The following ESPL1 variants were observed in gnomAD, a reference collection of about 807,000 sequenced individuals.
ESPL1 encodes extra spindle pole bodies like 1, separase.
Under a neutral mutation model 217.2 loss-of-function variants are expected in ESPL1, and 50 were observed. That is an observed-to-expected ratio of 0.23 (90% CI 0.18 to 0.29). The LOEUF (loss-of-function observed/expected upper bound fraction) is 0.29. Among genes scored for constraint, ESPL1 ranks in the 10% least tolerant of loss-of-function variants. The pLI, the probability that ESPL1 is intolerant of heterozygous loss-of-function variation, is 1.00. For missense variants in ESPL1, 1,834 were observed against 2,603.0 expected (o/e 0.70, Z 6.43); for synonymous variants, 994 against 1,081.3 (o/e 0.92, Z 1.58).
intron 11 of ESPL1, among the ~76,000 whole-genome samples, chr12:53,278,730 T>G (rs1202027276): frequency 6.6e-6 from 1 of 151,326 alleles, no homozygotes; most frequent in Non-Finnish European, 1.5e-5. Flanking sequence ...TAGCTGGGAC[T>G]ACAGGCACGC....
intron 7 of ESPL1, 86 bp from the exon 8 acceptor site, chr12:53,276,534 G>A (rs867646349): frequency 1.4e-6 from 2 of 1,423,350 alleles, no homozygotes; most frequent in Middle Eastern, 2.6e-4. Flanking sequence ...AGCAAGCCAA[G>A]GCTGGGGCTC....
At position 53,286,044 on chromosome 12, in the gene ESPL1, G is replaced by A. The variant is rs143501002; in HGVS notation, c.3308G>A (p.Gly1103Asp). The change falls in exon 18 of 31, where the codon GGC becomes GAC. Residue 1103 changes from glycine (G) to aspartate (D), a missense_variant. Transcript: ENST00000257934. This position sits in a 1 kb window ranked among gnomAD's most constrained non-coding sequence, Gnocchi z 5.3. ...CCAGAGGAGGAGCTCTTCCTAAGAG[G>A]CCCTGCTCTAGAGCTGGTGGCCACT... The part of the protein sequence containing the change: ...QLPEEELFLR[G>D]PALELVATVA... 4.4e-6 allele frequency: 7 copies of A among 1,608,950 alleles called. No homozygotes were observed. Among genetic ancestry groups the A allele is most frequent in the Non-Finnish European group, 6.0e-6 (7 of 1,175,620 alleles).
rs1278620652 is a variant in ESPL1, at chr12:53,286,418, A to G, written c.3682A>G (p.Thr1228Ala). 1 of 1,614,130 alleles carries G rather than the reference A, an allele frequency of 6.2e-7. No homozygotes were observed. The highest frequency in any genetic ancestry group is 1.1e-5 in the South Asian group (1 of 91,078). ...GGATGAGATCTTGGCTCAAGCATAC[A>G]CACTGTTGGCACTGGAGGGCCTGAA... ...LLDEILAQAYTLLALEGLNQP... is the reference protein window; with the variant it reads ...LLDEILAQAYALLALEGLNQP... Residue 1228 changes from threonine (T) to alanine (A), a missense_variant, in exon 18 of 31, where the codon ACA (threonine) becomes GCA (alanine). Thr to Ala is a moderately conservative substitution (Grantham distance 58, BLOSUM62 0). Coordinates refer to ENST00000257934, the MANE Select transcript of ESPL1 (RefSeq NM_012291.5). The surrounding 1 kb of genome is among the most constrained non-coding windows in gnomAD (Gnocchi z 5.3).
At chr12:53,285,025 A>G (rs1427541614) in intron 17 of ESPL1, among the ~76,000 whole-genome samples, 1 of 136,218 alleles carries the variant, frequency 7.3e-6, no homozygotes, top group African/African-American at 2.5e-5. Flanking sequence ...AAAAAAAAAA[A>G]AAGAAGAAAG....
At chr12:53,273,836 G>GTTTTTTTTTTTTTTT (rs71096001) in intron 6 of ESPL1, among the ~76,000 whole-genome samples, 6 of 63,170 alleles carry the variant, frequency 9.5e-5, no homozygotes, top group African/African-American at 3.1e-4. Flanking sequence ...TGGTTTTTTG[G>GTTTTTTTTTTTTTTT]TTTTTTTTTT....
At chr12:53,290,810 T>G (rs1320998614) in intron 24 of ESPL1, 31 bp from the exon 25 acceptor site, 4 of 1,174,448 alleles carry the variant, frequency 3.4e-6, no homozygotes, top group Non-Finnish European at 4.3e-6. Flanking sequence ...TGGTTTCCTC[T>G]CTGACTGAAG....
Position 53,292,516 on chromosome 12 carries a change from T to A in ESPL1, c.5913-58T>A, listed in dbSNP as rs1944080979. 1 of 1,493,140 alleles carries A rather than the reference T, an allele frequency of 6.7e-7. No individual in the cohort carries two copies. Among genetic ancestry groups the A allele is most frequent in the Non-Finnish European group, 9.3e-7 (1 of 1,071,894 alleles). The allele number at this position is 1,493,140 out of a possible 1,614,324, so 92.5% of individuals were successfully genotyped here. A position where few individuals can be genotyped will look rare whatever the true frequency, so the allele number is the denominator to read the frequency against. ...CTATCTAATGATCCCTCTGCTGTCTTTGCCACCTGACCCCTGCCATGCATT... is the reference window on the plus strand; with the variant it reads ...CTATCTAATGATCCCTCTGCTGTCTATGCCACCTGACCCCTGCCATGCATT... On this transcript the variant is annotated intron_variant, in intron 28 of 30. Coordinates refer to ENST00000257934, the MANE Select transcript of ESPL1 (RefSeq NM_012291.5). The surrounding 1 kb of genome is among the most constrained non-coding windows in gnomAD (Gnocchi z 4.5).
At chr12:53,280,961 C>T (rs925256146) in intron 12 of ESPL1, among the ~76,000 whole-genome samples, 4 of 151,070 alleles carry the variant, frequency 2.6e-5, no homozygotes, top group African/African-American at 9.7e-5. Flanking sequence ...CATTGCACTC[C>T]AGCCTGGGCA....
intron 6 of ESPL1, 108 bp downstream of exon 6, chr12:53,272,965 G>A (rs1269197916): frequency 1.9e-6 from 2 of 1,071,330 alleles, no homozygotes; most frequent in East Asian, 5.0e-5. Flanking sequence ...GTTAATAGCA[G>A]CATGTTGACA....
At chr12:53,281,869 G>C (rs1257497637) in intron 13 of ESPL1, among the ~76,000 whole-genome samples, 1 of 152,174 alleles carries the variant, frequency 6.6e-6, no homozygotes, top group African/African-American at 2.4e-5. Context: ...GTGACGAAAA[G>C]CTGGGACAAT....
chr12:53,269,819 C>T lies in ESPL1; in HGVS notation c.877C>T (p.Leu293=). 2 of 1,614,202 alleles carry T rather than the reference C, an allele frequency of 1.2e-6. No individual in the cohort carries two copies. The highest frequency in any genetic ancestry group is 1.7e-6 in the Non-Finnish European group (2 of 1,180,032). The change falls in exon 3 of 31, where the codon CTA becomes TTA. Residue 293 remains leucine, a synonymous_variant. Transcript: ENST00000257934. This position sits in a 1 kb window ranked among gnomAD's most constrained non-coding sequence, Gnocchi z 6.7. ...CACCAATCTAGCCCCTAGCCTTCAG[C>T]TATGTCAGCTGGGGGTTAAGCTGCT... is the stretch of plus-strand genomic sequence containing the variant. ...RNTNLAPSLQ[L]CQLGVKLLQV...
At chr12:53,284,237 T>C (rs963703512) in intron 17 of ESPL1, 70 bp downstream of exon 17, 2 of 983,052 alleles carry the variant, frequency 2.0e-6, no homozygotes, top group Non-Finnish European at 3.3e-6. Flanking sequence ...TCTTTCTATG[T>C]AAAGGTTTCG....
intron 19 of ESPL1, 64 bp downstream of exon 19, chr12:53,288,405 A>G (rs1592494960): frequency 6.5e-7 from 1 of 1,537,006 alleles, no homozygotes. Flanking sequence ...GCAAAGCACA[A>G]GCAGTAAGTG....
intron 5 of ESPL1, 127 bp from the exon 6 acceptor site, chr12:53,272,594 A>C: frequency 9.5e-7 from 1 of 1,052,210 alleles, no homozygotes; most frequent in Non-Finnish European, 1.4e-6. Context: ...TCCTAGCAGT[A>C]GGGGTTCCTG....
At chr12:53,275,050 C>T in intron 7 of ESPL1, 40 bp downstream of exon 7, 1 of 1,464,662 alleles carries the variant, frequency 6.8e-7, no homozygotes, top group Non-Finnish European at 9.1e-7. Flanking sequence ...TGCTTGTAAT[C>T]CCAGCACTTT....
rs1225323754 is a variant in ESPL1, at chr12:53,292,262, A to T, written c.5797-16A>T. On this transcript the variant is annotated splice_polypyrimidine_tract_variant and intron_variant, in intron 27 of 30. Coordinates refer to ENST00000257934, the MANE Select transcript of ESPL1 (RefSeq NM_012291.5). The surrounding 1 kb of genome is among the most constrained non-coding windows in gnomAD (Gnocchi z 4.5). ...TGGTGAGACAAGCATCCTAATCGCC[A>T]GTGTCTCCTCCTCAGTATGGGGCCT... The T allele has an allele frequency of 2.5e-6, 4 of 1,580,968 alleles. No homozygotes were observed. Among genetic ancestry groups the T allele is most frequent in the Non-Finnish European group, 3.5e-6 (4 of 1,149,808 alleles).
At position 53,292,913 on chromosome 12, in the gene ESPL1, C is replaced by T; in HGVS notation, c.6104C>T (p.Ala2035Val). ...TTTGGCTGTAGCAGTGCGGCCCTGG[C>T]TGTGCGTGGAAACCTGGAGGGGGCT... ...LLFGCSSAALAVRGNLEGAGI... is the reference protein window; with the variant it reads ...LLFGCSSAALVVRGNLEGAGI... Residue 2035 changes from alanine (A) to valine (V), a missense_variant, in exon 30 of 31, where the codon GCT becomes GTT. Transcript: ENST00000257934. The surrounding 1 kb of genome is among the most constrained non-coding windows in gnomAD (Gnocchi z 4.5). 6.2e-7 allele frequency: 1 copy of T among 1,613,940 alleles called. No individual in the cohort carries two copies. The highest frequency in any genetic ancestry group is 1.1e-5 in the South Asian group (1 of 91,084).
intron 19 of ESPL1, 31 bp downstream of exon 19, chr12:53,288,372 A>G (rs564872918): frequency 9.0e-6 from 14 of 1,563,874 alleles, no homozygotes; most frequent in South Asian, 1.2e-5. Flanking sequence ...TGGAAGGTGC[A>G]TGTTTTGGGG....
intron 18 of ESPL1, 135 bp from the exon 19 acceptor site, chr12:53,287,837 T>G: frequency 4.9e-5 from 41 of 835,112 alleles, no homozygotes; most frequent in Non-Finnish European, 6.4e-5. Flanking sequence ...GGCTGTCATG[T>G]GAGAAGTTAG....
Sources: allele counts gnomAD v4.1 joint callset (sites outside exome capture counted in the v4.1 genomes callset), GRCh38; gene constraint gnomAD v4.1.1; non-coding constraint Gnocchi (gnomAD v3.1); transcripts MANE v1.5; gene names NCBI Gene and HGNC (gene_info 2026-07-23, HGNC 2026-07-21).